The following STMND1 variants were observed in gnomAD, a reference collection of about 807,000 sequenced individuals.
The protein encoded by STMND1 is stathmin domain containing 1, also known as stathmin domain-containing protein 1.
Under a neutral mutation model 23.0 loss-of-function variants are expected in STMND1, and 17 were observed. The ratio of observed to expected loss-of-function variants is 0.74; its 90% CI spans 0.51 to 1.11. The LOEUF is 1.11. STMND1 is among the 50% of genes least tolerant of loss of function. STMND1 has a pLI of 0.00. For missense variants in STMND1, 305 were observed against 329.1 expected (o/e 0.93, Z 0.57); for synonymous variants, 114 against 119.9 (o/e 0.95, Z 0.32).
chr6:17,125,794 G>A (rs964585645), intron 3 of STMND1, among the ~76,000 whole-genome samples: 7 of 151,942 alleles, frequency 4.6e-5, no homozygotes, highest in African/African-American at 1.5e-4. Context: ...TCATCCGTAG[G>A]TCAATAGTTA....
intron 3 of STMND1, 42 bp downstream of exon 3, chr6:17,120,800 A>T: frequency 7.0e-7 from 1 of 1,430,956 alleles, no homozygotes; most frequent in Non-Finnish European, 9.4e-7. Context: ...AGTTAAAATT[A>T]GCAATAGAAT....
chr6:17,116,657 C>A (rs1479990156), intron 2 of STMND1, among the ~76,000 whole-genome samples: 1 of 152,078 alleles, frequency 6.6e-6, no homozygotes, highest in Non-Finnish European at 1.5e-5. Context: ...CCAGGCCGGT[C>A]TCGAACTCCT....
intron 1 of STMND1, among the ~76,000 whole-genome samples, chr6:17,104,126 C>T (rs897164721): frequency 7.9e-5 from 12 of 152,298 alleles, no homozygotes; most frequent in African/African-American, 2.2e-4. Context: ...CTCACACCTC[C>T]ATGCCTTTAC....
Position 17,108,181 on chromosome 6 carries a change from G to C in STMND1, c.81+5843G>C, listed in dbSNP as rs554102158. Among the ~76,000 whole-genome samples, 3 of 152,332 alleles carry C rather than the reference G, an allele frequency of 2.0e-5. No homozygotes were observed. In the East Asian group the frequency reaches 5.8e-4, roughly 29 times the overall value. On this transcript the variant is annotated intron_variant, in intron 1 of 4. Coordinates refer to ENST00000536551, the MANE Select transcript of STMND1 (RefSeq NM_001190766.2). ...TAAGAACAGATGGGTAGAGATCCTT[G>C]CTAAGGCCTGGATTCCAAATCCAAG... is the stretch of plus-strand genomic sequence containing the variant.
At chr6:17,118,116 T>C (rs1253879047) in intron 2 of STMND1, among the ~76,000 whole-genome samples, 6 of 152,332 alleles carry the variant, frequency 3.9e-5, no homozygotes, top group African/African-American at 1.4e-4. Context: ...GTAACATTTA[T>C]AAATGTTTAA....
At chr6:17,126,062 ATATATATATTTTTT>A (rs1158311600) in intron 3 of STMND1, among the ~76,000 whole-genome samples, 51 of 24,352 alleles carry the variant, frequency 2.1e-3, no homozygotes, top group African/African-American at 8.7e-3. Flanking sequence ...ATATATATAT[ATATATATATTTTTT>A]TTTTTTTTTT....
intron 1 of STMND1, chr6:17,110,803 G>A (rs1561922387): frequency 2.2e-6 from 1 of 455,856 alleles, no homozygotes; most frequent in Non-Finnish European, 4.4e-6. Context: ...AGAATCCTGG[G>A]AAGACATTAC....
At chr6:17,103,385 A>G (rs768017524) in intron 1 of STMND1, among the ~76,000 whole-genome samples, 1 of 152,118 alleles carries the variant, frequency 6.6e-6, no homozygotes, top group Non-Finnish European at 1.5e-5. Flanking sequence ...CATGTGGGGC[A>G]CATCTCTTGG....
intron 1 of STMND1, among the ~76,000 whole-genome samples, chr6:17,107,398 T>C (rs1761037977): frequency 6.8e-6 from 1 of 147,350 alleles, no homozygotes; most frequent in Non-Finnish European, 1.5e-5. Flanking sequence ...TTTTAAATTC[T>C]ACCTAAAATT....
Position 17,129,177 on chromosome 6 carries a change from G to A in STMND1, c.477G>A (p.Lys159=), listed in dbSNP as rs1264002873. ...GACTGAAAAAACTCAAGATCAAAAA[G>A]CAAGTGAAGGATTTCACAATGAAGG... is the stretch of plus-strand genomic sequence containing the variant. ...PSRLKKLKIK[K]QVKDFTMKDI... is the part of the protein sequence containing the mutation. The change falls in exon 4 of 5, where the codon AAG becomes AAA. Residue 159 remains lysine (K), a synonymous_variant. Coordinates refer to ENST00000536551, the MANE Select transcript of STMND1 (RefSeq NM_001190766.2). 3 of 1,535,920 alleles carry A rather than the reference G, an allele frequency of 2.0e-6. No individual in the cohort carries two copies. Among genetic ancestry groups the A allele is most frequent in the East Asian group, 2.4e-5 (1 of 40,892 alleles).
intron 1 of STMND1, among the ~76,000 whole-genome samples, chr6:17,114,177 T>C (rs1445266704): frequency 6.6e-6 from 1 of 152,120 alleles, no homozygotes; most frequent in East Asian, 1.9e-4. Flanking sequence ...GTAGAATCAG[T>C]GGGAGCCTTG....
chr6:17,123,060 C>T (rs150899445), intron 3 of STMND1, among the ~76,000 whole-genome samples: 10 of 152,260 alleles, frequency 6.6e-5, no homozygotes, highest in African/African-American at 2.2e-4. Flanking sequence ...ATAGACACTT[C>T]GATGTCTACA....
intron 3 of STMND1, among the ~76,000 whole-genome samples, chr6:17,127,448 G>C: frequency 6.6e-6 from 1 of 152,316 alleles, no homozygotes; most frequent in East Asian, 1.9e-4. Flanking sequence ...TACTTGGGAG[G>C]CTGAGGCAGG....
intron 3 of STMND1, chr6:17,127,822 A>G (rs1035401184): frequency 1.3e-5 from 2 of 152,240 alleles, no homozygotes; most frequent in African/African-American, 4.8e-5. Flanking sequence ...CTTGGAGTTA[A>G]CTACCCCCAC....
At chr6:17,118,326 A>G (rs1761186957) in intron 2 of STMND1, among the ~76,000 whole-genome samples, 1 of 152,222 alleles carries the variant, frequency 6.6e-6, no homozygotes, top group Non-Finnish European at 1.5e-5. Context: ...TGTCAAACTT[A>G]TAAAAATAAA....
rs372881673 is a variant in STMND1 at position 17,120,301 on chromosome 6, G to A, written c.260-306G>A. Among the ~76,000 whole-genome samples the A allele has an allele frequency of 9.1e-4, 138 of 152,244 alleles. 1 individual carries two copies. The highest frequency in any genetic ancestry group is 3.0e-3 in the African/African-American group (124 of 41,534). On this transcript the variant is annotated intron_variant, in intron 2 of 4. Transcript: ENST00000536551. ...ATTGGTCGAGCAAACCAACGTTGTC[G>A]TACCCAAGTGTATAAGTGTTGTTAC...
chr6:17,124,614 C>T (rs1206317772), intron 3 of STMND1, among the ~76,000 whole-genome samples: 2 of 152,206 alleles, frequency 1.3e-5, no homozygotes, highest in Non-Finnish European at 1.5e-5. Flanking sequence ...TCATCATAAT[C>T]TTGCTGGTGA....
Position 17,130,802 on chromosome 6 carries a change from A to T in STMND1, c.752A>T (p.Asp251Val). ...KKSKCDATLIDRNESDESFGV... is the reference protein window; with the variant it reads ...KKSKCDATLIVRNESDESFGV... ...AGTAAATGTGATGCAACCTTGATTG[A>T]TAGAAACGAAAGTGATGAAAGTTTT... is the stretch of plus-strand genomic sequence containing the variant. Residue 251 changes from aspartate to valine, a missense_variant, in exon 5 of 5, where the codon GAT (aspartate) becomes GTT (valine). By Grantham distance (152) the Asp-to-Val change is radical (BLOSUM62 -3). Transcript: ENST00000536551. 1 of 1,536,110 alleles carries T rather than the reference A, an allele frequency of 6.5e-7. No individual in the cohort carries two copies. The highest frequency in any genetic ancestry group is 8.7e-7 in the Non-Finnish European group (1 of 1,146,908).
chr6:17,127,790 T>G (rs1761328431), intron 3 of STMND1: 2 of 152,220 alleles, frequency 1.3e-5, no homozygotes, highest in African/African-American at 2.4e-5. Flanking sequence ...GGAACAATAT[T>G]CAGTTCATTT....
Sources: allele counts gnomAD v4.1 joint callset (sites outside exome capture counted in the v4.1 genomes callset), GRCh38; gene constraint gnomAD v4.1.1; transcripts MANE v1.5; gene names NCBI Gene and HGNC (gene_info 2026-07-23, HGNC 2026-07-21).